The following MMP1 variants were observed in gnomAD, a reference collection of about 807,000 sequenced individuals.
The protein encoded by MMP1 is interstitial collagenase.
A neutral mutation model predicts 49.6 loss-of-function variants in MMP1; 51 were observed. The observed-to-expected ratio is 1.03, with a 90% CI of 0.82 to 1.30. MMP1 has a LOEUF of 1.30. Among genes scored for constraint, MMP1 ranks in the 50% most tolerant of loss-of-function variants. The pLI, the probability that MMP1 is intolerant of heterozygous loss-of-function variation, is 0.00. For missense variants in MMP1, 623 were observed against 568.7 expected (o/e 1.10, Z -0.97); for synonymous variants, 230 against 196.8 (o/e 1.17, Z -1.41).
At chr11:102,795,720 A>G in intron 4 of MMP1, 113 bp from the exon 5 acceptor site, 1 of 928,912 alleles carries the variant, frequency 1.1e-6, no homozygotes, top group South Asian at 1.9e-5. Context: ...TTTATCAGTG[A>G]CTTTTGAAAT....
chr11:102,792,745 A>T lies in MMP1; in HGVS notation c.900-7T>A. ...ATTTGTGCGCATGTAGAATCTGATT[A>T]GAAAAAAAGCAAGAAAAGTTTCCAT... On this transcript the variant is annotated splice_region_variant and splice_polypyrimidine_tract_variant and intron_variant, in intron 6 of 9. Transcript: ENST00000315274. 1.2e-6 allele frequency: 2 copies of T among 1,608,960 alleles called. No individual in the cohort carries two copies. Among genetic ancestry groups the T allele is most frequent in the African/African-American group, 1.3e-5 (1 of 74,770 alleles).
chr11:102,791,005 G>A (rs567970317), intron 8 of MMP1, among the ~76,000 whole-genome samples, 199 bp from the exon 9 acceptor site: 3 of 152,328 alleles, frequency 2.0e-5, no homozygotes, highest in East Asian at 1.9e-4. Context: ...ATCCAGCATC[G>A]AATTCTCCAG....
intron 4 of MMP1, 62 bp downstream of exon 4, chr11:102,796,602 C>A: frequency 2.6e-6 from 4 of 1,551,098 alleles, no homozygotes; most frequent in South Asian, 1.2e-5. Context: ...CTAAATCAAC[C>A]AATATTACAA....
At position 102,797,024 on chromosome 11, in the gene MMP1, A is replaced by G. The variant is rs1186583061; in HGVS notation, c.489T>C (p.Phe163=). ...ATAAGAAGAACTTACCTCCCCTGAC[A>G]AAAGATATCATGATGTCTGCTTGAC... ...SEGQADIMIS[F]VRGDHRDNSP... is the part of the protein sequence containing the mutation. The change falls in exon 3 of 10, where the codon TTT becomes TTC. Residue 163 remains phenylalanine (F), a synonymous_variant. Transcript: ENST00000315274. The G allele has an allele frequency of 8.7e-6, 14 of 1,613,014 alleles. No homozygotes were observed. Among genetic ancestry groups the G allele is most frequent in the Non-Finnish European group, 1.2e-5 (14 of 1,179,364 alleles).
intron 8 of MMP1, 137 bp downstream of exon 8, chr11:102,791,196 G>C (rs1414477271): frequency 1.2e-6 from 1 of 829,946 alleles, no homozygotes. Flanking sequence ...AGACTAAATA[G>C]ATGATAGATT....
rs952365676 is a variant in MMP1, at chr11:102,797,973, C to G, written c.105+15G>C. 7.0e-6 allele frequency: 11 copies of G among 1,564,240 alleles called. No individual in the cohort carries two copies. In the African/African-American group the frequency reaches 1.5e-4, roughly 21 times the overall value. On this transcript the variant is annotated intron_variant, in intron 1 of 9. Transcript: ENST00000315274. ...TAAAAATTTACATTATTGTCACATGCAATGCAGCATTTACCTGGACTAAGT... is the reference window on the plus strand; with the variant it reads ...TAAAAATTTACATTATTGTCACATGGAATGCAGCATTTACCTGGACTAAGT...
At position 102,792,724 on chromosome 11, in the gene MMP1, G is replaced by T; in HGVS notation, c.914C>A (p.Thr305Lys). The T allele has an allele frequency of 3.1e-6, 5 of 1,613,074 alleles. No individual in the cohort carries two copies. The highest frequency in any genetic ancestry group is 4.2e-6 in the Non-Finnish European group (5 of 1,179,534). Residue 305 changes from threonine to lysine, a missense_variant, in exon 7 of 10, where the codon ACA becomes AAA. By Grantham distance (78) the Thr-to-Lys change is moderately conservative. Transcript: ENST00000315274. Reference sequence around the variant, plus strand: ...CTCAACTTCCGGGTAGAAGGGATTTGTGCGCATGTAGAATCTGATTAGAAA... The same window carrying T: ...CTCAACTTCCGGGTAGAAGGGATTTTTGCGCATGTAGAATCTGATTAGAAA... ...MFFKDRFYMRTNPFYPEVELN... is the reference protein window; with the variant it reads ...MFFKDRFYMRKNPFYPEVELN...
In MMP1 at chr11:102,791,378, TC is replaced by T. The variant is rs759301506; in HGVS notation, c.1150del (p.Glu384LysfsTer31). Reference protein sequence around the residue: ...VKHIDAALSEENTGKTYFFVA... With the variant: ...VKHIDAALSEXNTGKTYFFVA... ...AAAGAAGTAGGTTTTTCCAGTGTTTTCCTCAGAAAGAGCAGCATCGATATGC... is the reference window on the plus strand; with the variant it reads ...AAAGAAGTAGGTTTTTCCAGTGTTTTCTCAGAAAGAGCAGCATCGATATGC... On this transcript the variant is annotated frameshift_variant, in exon 8 of 10. Transcript: ENST00000315274. LOFTEE classifies it high-confidence loss of function. The T allele has an allele frequency of 1.9e-6, 3 of 1,614,070 alleles. No individual in the cohort carries two copies. In the South Asian group the frequency reaches 3.3e-5, roughly 18 times the overall value.
chr11:102,792,337 T>C (rs568606731), intron 7 of MMP1, among the ~76,000 whole-genome samples: 2 of 152,322 alleles, frequency 1.3e-5, no homozygotes, highest in South Asian at 4.1e-4. Flanking sequence ...TTTAAATACA[T>C]AGTTTGTGCA....
rs531079500 is a variant in MMP1 at position 102,790,384 on chromosome 11, A to G, written c.*28T>C. On this transcript the variant is annotated 3_prime_UTR_variant, in exon 10 of 10. Transcript: ENST00000315274. Reference sequence around the variant, plus strand: ...AAAACACCTTCTTTGGACTCACACCATGTGTTTTCCATTCAAATTAGTAAT... The same window carrying G: ...AAAACACCTTCTTTGGACTCACACCGTGTGTTTTCCATTCAAATTAGTAAT... The G allele has an allele frequency of 5.1e-6, 7 of 1,364,892 alleles. No homozygotes were observed. The highest frequency in any genetic ancestry group is 4.3e-5 in the African/African-American group (3 of 69,432). 84.5% of individuals were successfully genotyped at this position (1,364,892 alleles called of 1,614,324 possible).
Position 102,790,806 on chromosome 11 carries a change from C to A in MMP1, c.1197G>T (p.Arg399Ser), listed in dbSNP as rs141541015. ...CCATAGATCGTTTATATTCATCATA[C>A]CTGGTCAGAAAAGAGTTAAGAGTGT... ...TYFFVANKYW[R>S]YDEYKRSMDP... Residue 399 changes from arginine (R) to serine (S), a missense_variant and splice_region_variant, in exon 9 of 10, where the codon AGG becomes AGT. Transcript: ENST00000315274. 1.3e-6 allele frequency: 2 copies of A among 1,579,328 alleles called. No individual in the cohort carries two copies. The highest frequency in any genetic ancestry group is 4.5e-5 in the East Asian group (2 of 44,694).
Position 102,798,020 on chromosome 11 carries a change from C to G in MMP1, c.73G>C (p.Glu25Gln). 5 of 1,613,730 alleles carry G rather than the reference C, an allele frequency of 3.1e-6. No homozygotes were observed. Among genetic ancestry groups the G allele is most frequent in the Non-Finnish European group, 3.4e-6 (4 of 1,179,920 alleles). ...AAGTCCACATCTTGCTCTTGTGTTT[C>G]TAGAGTCGCTGGGAAGCTGTGAGAC... ...VVSHSFPATL[E>Q]TQEQDVDLVQ... The change falls in exon 1 of 10, where the codon GAA becomes CAA. Residue 25 changes from glutamate to glutamine, a missense_variant. Physicochemically the swap from Glu to Gln is conservative, Grantham distance 29. Transcript: ENST00000315274.
chr11:102,791,724 A>C (rs762089737), intron 7 of MMP1, among the ~76,000 whole-genome samples: 1 of 152,216 alleles, frequency 6.6e-6, no homozygotes, highest in Non-Finnish European at 1.5e-5. Context: ...GCAAGCTTTG[A>C]GAATGACTTG....
intron 4 of MMP1, 98 bp downstream of exon 4, chr11:102,796,566 A>T (rs1385433776): frequency 7.2e-7 from 1 of 1,380,368 alleles, no homozygotes; most frequent in Non-Finnish European, 9.7e-7. Context: ...AGAAAAATAT[A>T]TACTTCTATG....
In MMP1 at chr11:102,796,730, G is replaced by C. The variant is rs776079286; in HGVS notation, c.559C>G (p.Pro187Ala). Residue 187 changes from proline to alanine, a missense_variant, in exon 4 of 10, where the codon CCA becomes GCA. By Grantham distance (27) the Pro-to-Ala change is conservative. Coordinates refer to ENST00000315274, the MANE Select transcript of MMP1 (RefSeq NM_002421.4). ...PGGNLAHAFQPGPGIGGDAHF... is the reference protein window; with the variant it reads ...PGGNLAHAFQAGPGIGGDAHF... ...GCATCCCCTCCAATACCTGGGCCTG[G>C]TTGAAAAGCATGAGCAAGATTTCCT... 1.2e-5 allele frequency: 20 copies of C among 1,613,988 alleles called. No homozygotes were observed. Among genetic ancestry groups the C allele is most frequent in the Non-Finnish European group, 1.7e-5 (20 of 1,179,932 alleles).
At chr11:102,793,903 T>C (rs1858104241) in intron 6 of MMP1, among the ~76,000 whole-genome samples, 1 of 152,234 alleles carries the variant, frequency 6.6e-6, no homozygotes, top group South Asian at 2.1e-4. Context: ...ACCTGACTTC[T>C]AGGTCCAGTC....
chr11:102,797,023 CA>C lies in MMP1; in HGVS notation c.489del (p.Phe163LeufsTer73). Reference protein sequence around the residue: ...SEGQADIMISFVRGDHRDNSP... With the variant: ...SEGQADIMISXVRGDHRDNSP... ...TATAAGAAGAACTTACCTCCCCTGACAAAAGATATCATGATGTCTGCTTGAC... is the reference window on the plus strand; with the variant it reads ...TATAAGAAGAACTTACCTCCCCTGACAAAGATATCATGATGTCTGCTTGAC... On this transcript the variant is annotated frameshift_variant, in exon 3 of 10. Coordinates refer to ENST00000315274, the MANE Select transcript of MMP1 (RefSeq NM_002421.4). LOFTEE classifies it high-confidence loss of function. The C allele has an allele frequency of 1.2e-6, 2 of 1,612,882 alleles. No individual in the cohort carries two copies. The highest frequency in any genetic ancestry group is 1.7e-6 in the Non-Finnish European group (2 of 1,179,274).
intron 4 of MMP1, 22 bp from the exon 5 acceptor site, chr11:102,795,629 T>C: frequency 6.3e-7 from 1 of 1,582,790 alleles, no homozygotes; most frequent in Non-Finnish European, 8.6e-7. Context: ...AATAAATCAA[T>C]TTGTAATTAT....
Position 102,797,402 on chromosome 11 carries a change from CTGCATT to C in MMP1, c.198_203del (p.Met67_Gln68del). 6.2e-7 allele frequency: 1 copy of C among 1,614,214 alleles called. No homozygotes were observed. The highest frequency in any genetic ancestry group is 8.5e-7 in the Non-Finnish European group (1 of 1,180,036). ...CAGTCACTTTCAGCCCAAAGAATTC[CTGCATT>C]TGCTTCAATTTTTCAACCACTGGGC... On this transcript the variant is annotated inframe_deletion, in exon 2 of 10. Coordinates refer to ENST00000315274, the MANE Select transcript of MMP1 (RefSeq NM_002421.4).
Sources: gnomAD v4.1 joint callset for allele counts (sites outside exome capture counted in the v4.1 genomes callset) on GRCh38, gnomAD v4.1.1 for gene constraint, MANE v1.5 for transcripts, NCBI Gene and HGNC (gene_info 2026-07-23, HGNC 2026-07-21) for gene names.